SGCG: variants seen among roughly 807,000 people sequenced by gnomAD.
SGCG encodes sarcoglycan gamma, also known as gamma-sarcoglycan.
Under a neutral mutation model 29.3 loss-of-function variants are expected in SGCG, and 26 were observed. The ratio of observed to expected loss-of-function variants is 0.89; its 90% CI spans 0.65 to 1.23. The LOEUF (loss-of-function observed/expected upper bound fraction) is 1.23, where lower values mean the gene tolerates loss of function less well. Ranked by LOEUF, SGCG falls within the 50% of genes most tolerant of loss-of-function variation. The probability of loss-of-function intolerance (pLI) is 0.00; values close to 1 mark genes in which losing one functional copy is unlikely to be tolerated. For missense variants in SGCG, 353 were observed against 356.0 expected (o/e 0.99, Z 0.07); for synonymous variants, 145 against 129.7 (o/e 1.12, Z -0.80).
chr13:23,176,232 C>CT (rs1876550895), upstream of SGCG, among the ~76,000 whole-genome samples: 1 of 151,926 alleles, frequency 6.6e-6, no homozygotes, highest in African/African-American at 2.4e-5. Flanking sequence ...TTAAAAAAAA[C>CT]TAATAAAGCT....
At chr13:23,177,786 C>T (rs1876607599), upstream of SGCG, among the ~76,000 whole-genome samples, 1 of 151,552 alleles carries the variant, frequency 6.6e-6, no homozygotes. Context: ...ATCACGTTGG[C>T]CAGGCTGGTT....
At chr13:23,212,658 A>G (rs1200607563) in intron 2 of SGCG, among the ~76,000 whole-genome samples, 1 of 152,188 alleles carries the variant, frequency 6.6e-6, no homozygotes, top group African/African-American at 2.4e-5. Flanking sequence ...ATTAGACAGG[A>G]TGTGAAAGCA....
At chr13:23,276,433 T>TTTTTTC (rs1555242842) in intron 4 of SGCG, among the ~76,000 whole-genome samples, 1 of 130,448 alleles carries the variant, frequency 7.7e-6, no homozygotes. Context: ...TTAGTTTTCT[T>TTTTTTC]TTTTTTTTTT....
chr13:23,195,730 T>C (rs1398268482), intron 1 of SGCG, among the ~76,000 whole-genome samples: 1 of 152,054 alleles, frequency 6.6e-6, no homozygotes, highest in East Asian at 1.9e-4. Flanking sequence ...TTATGCTGAT[T>C]ATAACTTTGG....
intron 2 of SGCG, among the ~76,000 whole-genome samples, chr13:23,221,304 G>A (rs1465220655): frequency 6.6e-6 from 1 of 152,068 alleles, no homozygotes; most frequent in East Asian, 1.9e-4. Context: ...TTGGTGTGAA[G>A]TTATGAAAGC....
At chr13:23,323,498 C>T (rs1010229953) in intron 7 of SGCG, among the ~76,000 whole-genome samples, 3 of 152,190 alleles carry the variant, frequency 2.0e-5, no homozygotes, top group Non-Finnish European at 4.4e-5. Flanking sequence ...ATTATGCCTA[C>T]CCACATTCAG....
At chr13:23,322,760 A>T (rs879670727) in intron 7 of SGCG, among the ~76,000 whole-genome samples, 1 of 55,788 alleles carries the variant, frequency 1.8e-5, no homozygotes, top group African/African-American at 8.2e-5. Flanking sequence ...ACCGCCCCCC[A>T]CCCATCCACC....
chr13:23,259,341 T>G (rs1231575205), intron 4 of SGCG, among the ~76,000 whole-genome samples: 1 of 152,196 alleles, frequency 6.6e-6, no homozygotes, highest in East Asian at 1.9e-4. Flanking sequence ...GAGGTGTTTA[T>G]AGTATTCTCT....
chr13:23,285,563 G>A (rs982535055), intron 5 of SGCG, among the ~76,000 whole-genome samples: 25 of 152,326 alleles, frequency 1.6e-4, no homozygotes, highest in African/African-American at 5.1e-4. Flanking sequence ...GATGGGATCC[G>A]CTAAGCTAGA....
chr13:23,301,920 A>G (rs866800274), intron 6 of SGCG, among the ~76,000 whole-genome samples: 1 of 152,210 alleles, frequency 6.6e-6, no homozygotes, highest in East Asian at 1.9e-4. Context: ...AAAAAAATCA[A>G]TGGGAACACT....
intron 6 of SGCG, among the ~76,000 whole-genome samples, chr13:23,316,088 T>G (rs1396832389): frequency 6.6e-6 from 1 of 152,214 alleles, no homozygotes; most frequent in Non-Finnish European, 1.5e-5. Flanking sequence ...AAGGCTATTC[T>G]GGCTACAGCC....
At chr13:23,294,307 A>G (rs1404550351) in intron 5 of SGCG, among the ~76,000 whole-genome samples, 3 of 152,220 alleles carry the variant, frequency 2.0e-5, no homozygotes, top group South Asian at 2.1e-4. Flanking sequence ...ATATGCCCAT[A>G]AAATTCAAGA....
intron 6 of SGCG, among the ~76,000 whole-genome samples, chr13:23,315,132 G>A (rs1882759222): frequency 6.6e-6 from 1 of 152,162 alleles, no homozygotes; most frequent in East Asian, 1.9e-4. Flanking sequence ...GAGGCCTCTA[G>A]GATTTTGGAG....
intron 6 of SGCG, among the ~76,000 whole-genome samples, chr13:23,295,924 C>CATAT (rs1376774293): frequency 6.6e-6 from 1 of 152,210 alleles, no homozygotes; most frequent in Non-Finnish European, 1.5e-5. Flanking sequence ...GAGTGACTGC[C>CATAT]ATATCCTCGC....
upstream of SGCG, among the ~76,000 whole-genome samples, chr13:23,180,370 A>G (rs991440759): frequency 3.9e-5 from 6 of 152,186 alleles, no homozygotes; most frequent in Non-Finnish European, 7.3e-5. Context: ...TTACTAGAAA[A>G]GAACTGTCAT....
At chr13:23,183,454 C>T (rs1027611357) in intron 1 of SGCG, among the ~76,000 whole-genome samples, 4 of 152,066 alleles carry the variant, frequency 2.6e-5, no homozygotes, top group African/African-American at 7.2e-5. Context: ...CTGTGGAGAA[C>T]GTTCTCTGCA....
intron 6 of SGCG, among the ~76,000 whole-genome samples, chr13:23,306,851 G>A (rs1271897167): frequency 5.3e-5 from 8 of 152,188 alleles, no homozygotes; most frequent in Admixed American, 2.6e-4. Flanking sequence ...GTTTCATCCA[G>A]TAACAGAAGA....
intron 1 of SGCG, among the ~76,000 whole-genome samples, chr13:23,188,548 A>T (rs992043298): frequency 1.4e-5 from 2 of 145,124 alleles, no homozygotes; most frequent in African/African-American, 5.2e-5. Flanking sequence ...TGAATTCCTG[A>T]CCTCAAGCAA....
chr13:23,303,614 G>A (rs558770936), intron 6 of SGCG, among the ~76,000 whole-genome samples: 70 of 152,264 alleles, frequency 4.6e-4, no homozygotes, highest in Non-Finnish European at 6.0e-4. Flanking sequence ...AAAGAGCTCC[G>A]GAAATCACAT....
Sources: gnomAD v4.1 joint callset for allele counts (sites outside exome capture counted in the v4.1 genomes callset) on GRCh38, gnomAD v4.1.1 for gene constraint, MANE v1.5 for transcripts, NCBI Gene and HGNC (gene_info 2026-07-23, HGNC 2026-07-21) for gene names.